The following MACROD2 variants were observed in gnomAD, a reference collection of about 807,000 sequenced individuals.
MACROD2 encodes ADP-ribose glycohydrolase MACROD2.
In MACROD2, 36 loss-of-function variants were observed where a neutral mutation model predicts 70.4. The ratio of observed to expected loss-of-function variants is 0.51; its 90% CI spans 0.39 to 0.68. The LOEUF (loss-of-function observed/expected upper bound fraction) is 0.68, where lower values mean the gene tolerates loss of function less well. Ranked by LOEUF, MACROD2 falls within the 30% of genes least tolerant of loss-of-function variation. MACROD2 has a pLI of 0.00. For synonymous variants in MACROD2, 172 were observed against 178.8 expected (o/e 0.96, Z 0.30); for missense variants, 496 against 538.4 (o/e 0.92, Z 0.78).
chr20:15,355,722 A>G (rs2423950), intron 6 of MACROD2, among the ~76,000 whole-genome samples: 94,379 of 151,958 alleles, frequency 0.62, 29,418 homozygotes, highest in East Asian at 0.75. Flanking sequence ...ATCATTAATA[A>G]TAACAAAGAC....
intron 4 of MACROD2, among the ~76,000 whole-genome samples, chr20:14,543,536 T>G (rs548718017): frequency 6.6e-6 from 1 of 152,326 alleles, no homozygotes; most frequent in African/African-American, 2.4e-5. Context: ...CATATTGATA[T>G]AATGAAAAGT....
At chr20:15,076,690 T>TA (rs1406865294) in intron 5 of MACROD2, among the ~76,000 whole-genome samples, 3 of 152,194 alleles carry the variant, frequency 2.0e-5, no homozygotes, top group Non-Finnish European at 4.4e-5. Flanking sequence ...TTGGCATTCT[T>TA]ACATTTAAAA....
chr20:15,608,081 C>T (rs1009679200), intron 8 of MACROD2, among the ~76,000 whole-genome samples: 1 of 152,178 alleles, frequency 6.6e-6, no homozygotes, highest in African/African-American at 2.4e-5. Context: ...ATAAAGAATT[C>T]TCTACTTCTC....
intron 7 of MACROD2, among the ~76,000 whole-genome samples, chr20:15,496,862 G>A (rs1056309138): frequency 6.6e-6 from 1 of 152,148 alleles, no homozygotes; most frequent in Middle Eastern, 3.2e-3. Context: ...CTATGCCTAG[G>A]AAGAATCACT....
chr20:14,257,785 A>G (rs912896502), intron 3 of MACROD2, among the ~76,000 whole-genome samples: 1 of 152,184 alleles, frequency 6.6e-6, no homozygotes, highest in Admixed American at 6.6e-5. Flanking sequence ...GTTTTTAGTC[A>G]CATGGATAAG....
intron 8 of MACROD2, among the ~76,000 whole-genome samples, chr20:15,741,152 C>T (rs77884351): frequency 0.089 from 12,756 of 142,632 alleles, 746 homozygotes; most frequent in African/African-American, 0.18. Flanking sequence ...AGTGCAGTGG[C>T]GCAATCTCGG....
intron 5 of MACROD2, among the ~76,000 whole-genome samples, chr20:14,999,579 G>A (rs763892919): frequency 6.6e-6 from 1 of 152,206 alleles, no homozygotes; most frequent in Non-Finnish European, 1.5e-5. Context: ...CCAGGAAGTT[G>A]AGGCTGCAGT....
chr20:15,410,995 G>A (rs943150571), intron 6 of MACROD2, among the ~76,000 whole-genome samples: 1 of 152,038 alleles, frequency 6.6e-6, no homozygotes, highest in Non-Finnish European at 1.5e-5. Flanking sequence ...AACACCAATC[G>A]TTTCACCAAT....
intron 5 of MACROD2, among the ~76,000 whole-genome samples, chr20:15,014,557 G>A (rs1316693096): frequency 3.3e-5 from 5 of 152,068 alleles, no homozygotes. Context: ...AGTTAATACG[G>A]GTTGAAAGGA....
At chr20:15,850,097 C>T (rs1355226301) in intron 8 of MACROD2, among the ~76,000 whole-genome samples, 1 of 152,110 alleles carries the variant, frequency 6.6e-6, no homozygotes, top group Admixed American at 6.6e-5. Flanking sequence ...TTTCTCCTCA[C>T]CTCTTGATTT....
intron 5 of MACROD2, among the ~76,000 whole-genome samples, chr20:14,970,331 A>T (rs910203437): frequency 6.6e-6 from 1 of 152,032 alleles, no homozygotes; most frequent in African/African-American, 2.4e-5. Context: ...TCGTTATTAG[A>T]TTCTAAAGTC....
At chr20:15,510,894 C>A (rs188501017) in intron 8 of MACROD2, among the ~76,000 whole-genome samples, 1 of 152,272 alleles carries the variant, frequency 6.6e-6, no homozygotes, top group East Asian at 1.9e-4. Flanking sequence ...TGACAGAAAG[C>A]CCCAACCTTT....
chr20:15,658,961 G>A lies in MACROD2; in HGVS notation c.645+159114G>A, dbSNP rs534100206. On this transcript the variant is annotated intron_variant, in intron 8 of 17. Transcript: ENST00000684519. The stretch of plus-strand genomic sequence containing the variant: ...TCCAAGACTCACTCAAGCATGCTTC[G>A]TTTCTTAAGACATATAGTAACATAG... Among the ~76,000 whole-genome samples, 152 of 152,256 alleles carry A rather than the reference G, an allele frequency of 1.0e-3. 1 individual carries two copies. The highest frequency in any genetic ancestry group is 8.1e-3 in the South Asian group (39 of 4,818).
At chr20:14,886,915 T>G (rs1285750270) in intron 5 of MACROD2, among the ~76,000 whole-genome samples, 1 of 152,140 alleles carries the variant, frequency 6.6e-6, no homozygotes, top group African/African-American at 2.4e-5. Flanking sequence ...AGGTTCTCAT[T>G]CCGACATTGG....
At chr20:15,851,394 T>C (rs370616251) in intron 8 of MACROD2, among the ~76,000 whole-genome samples, 161 of 151,954 alleles carry the variant, frequency 1.1e-3, no homozygotes, top group African/African-American at 3.7e-3. Context: ...AGAAGGCAAA[T>C]ATGAAGGTGT....
chr20:14,100,633 T>TA (rs1491475186), intron 3 of MACROD2, among the ~76,000 whole-genome samples: 5 of 142,308 alleles, frequency 3.5e-5, no homozygotes, highest in African/African-American at 7.7e-5. Flanking sequence ...AAAATATATA[T>TA]TTTTTTTATT....
intron 3 of MACROD2, among the ~76,000 whole-genome samples, chr20:14,158,654 A>G (rs1260864114): frequency 2.0e-5 from 3 of 152,144 alleles, no homozygotes; most frequent in African/African-American, 7.2e-5. Flanking sequence ...AGCACCATTT[A>G]TTGAAGAGGG....
At chr20:14,218,404 T>C (rs2081641706) in intron 3 of MACROD2, among the ~76,000 whole-genome samples, 1 of 152,216 alleles carries the variant, frequency 6.6e-6, no homozygotes, top group Non-Finnish European at 1.5e-5. Context: ...TCAGTTCTTA[T>C]GTGCTATGTG....
chr20:15,681,878 G>A (rs1407602414), intron 8 of MACROD2, among the ~76,000 whole-genome samples: 1 of 152,114 alleles, frequency 6.6e-6, no homozygotes, highest in Admixed American at 6.5e-5. Context: ...GAGTGGCTTT[G>A]GGGACTAAGA....
Sources: gnomAD v4.1 joint callset for allele counts (sites outside exome capture counted in the v4.1 genomes callset) on GRCh38, gnomAD v4.1.1 for gene constraint, MANE v1.5 for transcripts, NCBI Gene and HGNC (gene_info 2026-07-23, HGNC 2026-07-21) for gene names.